Variants in TPRG1 observed in about 807,000 individuals in gnomAD.
TPRG1 encodes tumor protein p63-regulated gene 1 protein.
TPRG1 carries 29 observed loss-of-function variants against 29.3 expected under a neutral mutation model. The observed-to-expected ratio is 0.99, with a 90% confidence interval of 0.74 to 1.35. The LOEUF (loss-of-function observed/expected upper bound fraction) is 1.35. Among genes scored for constraint, TPRG1 ranks in the 40% most tolerant of loss-of-function variants. TPRG1 has a pLI of 0.00. For missense variants in TPRG1, 327 were observed against 335.0 expected, an observed-to-expected ratio of 0.98 and a Z score of 0.19; for synonymous variants, 130 against 116.8, an observed-to-expected ratio of 1.11 and a Z score of -0.73.
chr3:189,102,936 G>C (rs1423356560), intron 1 of TPRG1, among the ~76,000 whole-genome samples: 1 of 152,088 alleles, frequency 6.6e-6, no homozygotes, highest in African/African-American at 2.4e-5. Context: ...ATCTCTCCTT[G>C]CTCTGGCTAA....
intron 4 of TPRG1, among the ~76,000 whole-genome samples, chr3:189,264,862 T>C (rs1560623114): frequency 6.6e-6 from 1 of 152,218 alleles, no homozygotes; most frequent in Non-Finnish European, 1.5e-5. Context: ...AAATGAATCA[T>C]TATTTTTAGA....
At chr3:189,175,165 G>T (rs1729313075) in intron 1 of TPRG1, among the ~76,000 whole-genome samples, 1 of 152,136 alleles carries the variant, frequency 6.6e-6, no homozygotes, top group African/African-American at 2.4e-5. Context: ...AATATTTCAA[G>T]ACGAAGAAGA....
chr3:189,052,405 C>T (rs1715381637), intron 4 of TPRG1, among the ~76,000 whole-genome samples: 1 of 152,318 alleles, frequency 6.6e-6, no homozygotes, highest in African/African-American at 2.4e-5. Context: ...CACCTTACTC[C>T]TGCGAGAATG....
chr3:189,275,058 A>G (rs1365939617), intron 4 of TPRG1, among the ~76,000 whole-genome samples: 1 of 151,868 alleles, frequency 6.6e-6, no homozygotes, highest in East Asian at 1.9e-4. Context: ...AAGGCACTGC[A>G]TGTATTTATG....
chr3:189,057,763 TAC>T (rs1553897075), intron 4 of TPRG1, among the ~76,000 whole-genome samples: 3 of 145,614 alleles, frequency 2.1e-5, no homozygotes, highest in Admixed American at 1.4e-4. Flanking sequence ...TATATATATA[TAC>T]ACACACATAT....
intron 5 of TPRG1, among the ~76,000 whole-genome samples, chr3:189,164,039 AT>A (rs562626006): frequency 8.9e-4 from 135 of 152,160 alleles, no homozygotes; most frequent in African/African-American, 3.1e-3. Context: ...TTTTACTTGT[AT>A]TTTACATGAA....
At chr3:189,179,341 A>G (rs1277645770) in intron 1 of TPRG1, among the ~76,000 whole-genome samples, 1 of 152,166 alleles carries the variant, frequency 6.6e-6, no homozygotes, top group African/African-American at 2.4e-5. Flanking sequence ...TCACTTCCCC[A>G]GTGGTGGCTC....
intron 4 of TPRG1, among the ~76,000 whole-genome samples, chr3:189,060,918 A>G (rs1400511494): frequency 6.6e-6 from 1 of 152,194 alleles, no homozygotes; most frequent in East Asian, 1.9e-4. Context: ...TACCCATGAC[A>G]TTCTTCACAG....
chr3:189,037,808 A>C (rs1023152744), intron 4 of TPRG1, among the ~76,000 whole-genome samples: 1 of 151,752 alleles, frequency 6.6e-6, no homozygotes, highest in Non-Finnish European at 1.5e-5. Flanking sequence ...AATTAGTAAG[A>C]TATATCCATC....
intron 2 of TPRG1, chr3:189,132,371 C>T (rs1309075810): frequency 6.6e-6 from 1 of 152,172 alleles, no homozygotes; most frequent in Non-Finnish European, 1.5e-5. Flanking sequence ...CGTGTTTGAT[C>T]GCGTGCTTTC....
chr3:189,308,280 C>T (rs1438315779), intron 4 of TPRG1, among the ~76,000 whole-genome samples: 1 of 152,218 alleles, frequency 6.6e-6, no homozygotes, highest in Admixed American at 6.5e-5. Context: ...GACTCCCGGA[C>T]ATCCAGCTCA....
chr3:189,132,168 G>C (rs1446532142), intron 2 of TPRG1, among the ~76,000 whole-genome samples: 1 of 152,094 alleles, frequency 6.6e-6, no homozygotes, highest in Admixed American at 6.5e-5. Flanking sequence ...TTTGCATTTG[G>C]AGTGAGCCCA....
intron 4 of TPRG1, among the ~76,000 whole-genome samples, chr3:189,055,560 A>C (rs1715613577): frequency 6.6e-6 from 1 of 152,190 alleles, no homozygotes; most frequent in African/African-American, 2.4e-5. Context: ...TCATTTGTTA[A>C]AGGAAACTCT....
chr3:189,220,137 C>A (rs1736728318), intron 3 of TPRG1, among the ~76,000 whole-genome samples: 1 of 151,944 alleles, frequency 6.6e-6, no homozygotes, highest in Non-Finnish European at 1.5e-5. Flanking sequence ...TTAATATGTC[C>A]TTTTTTGTGT....
chr3:189,060,088 C>T (rs1216844461), intron 4 of TPRG1, among the ~76,000 whole-genome samples: 7 of 151,924 alleles, frequency 4.6e-5, no homozygotes, highest in South Asian at 4.1e-4. Flanking sequence ...CAAAATTAGC[C>T]GGGTGTGGTG....
At chr3:189,020,103 C>T (rs1484463845) in intron 3 of TPRG1, among the ~76,000 whole-genome samples, 2 of 151,978 alleles carry the variant, frequency 1.3e-5, no homozygotes, top group Admixed American at 6.5e-5. Context: ...TTTATTGCGT[C>T]TATTTGATTC....
intron 1 of TPRG1, among the ~76,000 whole-genome samples, chr3:189,117,945 G>A (rs965549430): frequency 7.9e-5 from 12 of 152,138 alleles, no homozygotes; most frequent in Admixed American, 2.6e-4. Context: ...AAAGATACCC[G>A]AAAACGTGGA....
chr3:189,295,037 C>G (rs1719666003), intron 4 of TPRG1, among the ~76,000 whole-genome samples: 1 of 152,226 alleles, frequency 6.6e-6, no homozygotes, highest in Non-Finnish European at 1.5e-5. Context: ...CCAACACTTT[C>G]CCACATTCAC....
intron 5 of TPRG1, chr3:189,313,141 G>C (rs1262671980): frequency 1.3e-5 from 2 of 151,790 alleles, no homozygotes; most frequent in Non-Finnish European, 2.9e-5. Context: ...AGCTCTCTAG[G>C]AAAACAAATG....
Sources: allele counts gnomAD v4.1 joint callset (sites outside exome capture counted in the v4.1 genomes callset), GRCh38; gene constraint gnomAD v4.1.1; transcripts MANE v1.5; gene names NCBI Gene and HGNC (gene_info 2026-07-23, HGNC 2026-07-21).